The following PRKAR2B variants were observed in gnomAD, a reference collection of about 807,000 sequenced individuals.
PRKAR2B encodes the protein cAMP-dependent protein kinase type II-beta regulatory subunit.
Under a neutral mutation model 49.9 loss-of-function variants are expected in PRKAR2B, and 14 were observed. That is an observed-to-expected ratio of 0.28 (90% CI 0.19 to 0.44). The LOEUF (loss-of-function observed/expected upper bound fraction) is 0.44, where lower values mean the gene tolerates loss of function less well. Ranked by LOEUF, PRKAR2B falls within the 20% of genes least tolerant of loss-of-function variation. The pLI is 1.00. For synonymous variants in PRKAR2B, 196 were observed against 197.7 expected, an observed-to-expected ratio of 0.99 and a Z score of 0.07; for missense variants, 393 against 537.9, an observed-to-expected ratio of 0.73 and a Z score of 2.67.
intron 3 of PRKAR2B, 22 bp from the exon 4 acceptor site, chr7:107,128,190 T>C: frequency 6.5e-7 from 1 of 1,543,164 alleles, no homozygotes; most frequent in Non-Finnish European, 8.9e-7. Context: ...GTCTTTGTTT[T>C]TTAAATCTGA....
chr7:107,073,501 A>G (rs1794326412), intron 2 of PRKAR2B, among the ~76,000 whole-genome samples: 1 of 152,192 alleles, frequency 6.6e-6, no homozygotes, highest in African/African-American at 2.4e-5. Context: ...AAGCATGACT[A>G]ACGAAGAGAA....
In PRKAR2B at chr7:107,146,430, C is replaced by G. The variant is rs1405310138; in HGVS notation, c.710C>G (p.Thr237Ser). 5 of 1,614,168 alleles carry G rather than the reference C, an allele frequency of 3.1e-6. No individual in the cohort carries two copies. Among genetic ancestry groups the G allele is most frequent in the Non-Finnish European group, 4.2e-6 (5 of 1,179,998 alleles). The change falls in exon 6 of 11, where the codon ACT (threonine) becomes AGT (serine). Residue 237 changes from threonine (T) to serine (S), a missense_variant. Physicochemically the swap from Thr to Ser is moderately conservative, Grantham distance 58. This residue lies in a region of PRKAR2B where 233 missense variants were observed against 390.4 expected (regional missense o/e 0.60). Coordinates refer to ENST00000265717, the MANE Select transcript of PRKAR2B (RefSeq NM_002736.3). The stretch of plus-strand genomic sequence containing the variant: ...AATACACCCAGAGCAGCTACAATCA[C>G]TGCTACCTCTCCTGGTGCTCTGTGG... ...MYNTPRAATITATSPGALWGL... is the reference protein window; with the variant it reads ...MYNTPRAATISATSPGALWGL...
At chr7:107,093,913 G>C (rs1353600694) in intron 2 of PRKAR2B, among the ~76,000 whole-genome samples, 1 of 152,114 alleles carries the variant, frequency 6.6e-6, no homozygotes, top group Non-Finnish European at 1.5e-5. Flanking sequence ...GTCTATTACT[G>C]ATGGACATTT....
chr7:107,045,483 C>A (rs1793671234), intron 1 of PRKAR2B, among the ~76,000 whole-genome samples: 1 of 152,196 alleles, frequency 6.6e-6, no homozygotes. Context: ...ACCCTTTGCC[C>A]CCTCTGCCTG....
At chr7:107,073,631 T>A (rs1330447570) in intron 2 of PRKAR2B, among the ~76,000 whole-genome samples, 1 of 152,174 alleles carries the variant, frequency 6.6e-6, no homozygotes, top group African/African-American at 2.4e-5. Flanking sequence ...TCTGATAGCA[T>A]CCTGACAGCA....
Position 107,140,753 on chromosome 7 carries a change from C to G in PRKAR2B, c.481-94C>G, listed in dbSNP as rs3729872. The G allele has an allele frequency of 4.9e-3, 4,083 of 838,702 alleles. 109 individuals are homozygous for G. In the African/African-American group the frequency reaches 0.061, roughly 13 times the overall value. The allele number at this position is 838,702 out of a possible 1,614,324, so 52.0% of individuals were successfully genotyped here. A position where few individuals can be genotyped will look rare whatever the true frequency, so the allele number is the denominator to read the frequency against. ...GTGGTAGTTATGATTATTTCCATTT[C>G]TTTGGACTTGTTCACAGAAATATAA... On this transcript the variant is annotated intron_variant, in intron 4 of 10. Coordinates refer to ENST00000265717, the MANE Select transcript of PRKAR2B (RefSeq NM_002736.3).
At chr7:107,094,893 G>A (rs1794806007) in intron 2 of PRKAR2B, among the ~76,000 whole-genome samples, 1 of 152,192 alleles carries the variant, frequency 6.6e-6, no homozygotes. Flanking sequence ...GTACCATGCT[G>A]TTTTGGTTAC....
chr7:107,125,248 A>C (rs976075515), intron 3 of PRKAR2B, among the ~76,000 whole-genome samples: 1 of 152,186 alleles, frequency 6.6e-6, no homozygotes, highest in Non-Finnish European at 1.5e-5. Flanking sequence ...TGTGGACTGG[A>C]TGACATTGGA....
intron 3 of PRKAR2B, 114 bp from the exon 4 acceptor site, chr7:107,128,098 C>T (rs139235572): frequency 1.4e-4 from 94 of 688,088 alleles, no homozygotes; most frequent in Non-Finnish European, 2.1e-4. Context: ...CAAACTTGAG[C>T]GCTAACAGTT....
chr7:107,063,355 C>T (rs922790436), intron 1 of PRKAR2B, among the ~76,000 whole-genome samples: 8 of 152,122 alleles, frequency 5.3e-5, no homozygotes, highest in Non-Finnish European at 1.0e-4. Context: ...ATTGCTTCAG[C>T]ATTTTTGAAC....
intron 2 of PRKAR2B, among the ~76,000 whole-genome samples, chr7:107,111,533 G>A (rs1562860557): frequency 6.6e-6 from 1 of 152,162 alleles, no homozygotes; most frequent in African/African-American, 2.4e-5. Context: ...AACACAGAGA[G>A]AGTCTCTGTG....
In PRKAR2B at chr7:107,044,816, C is replaced by A. The variant is rs1454108607; in HGVS notation, c.-92C>A. 2 of 1,078,646 alleles carry A rather than the reference C, an allele frequency of 1.9e-6. No homozygotes were observed. The highest frequency in any genetic ancestry group is 2.4e-6 in the Non-Finnish European group (2 of 843,396). The allele number at this position is 1,078,646 out of a possible 1,614,324, so 66.8% of individuals were successfully genotyped here. On this transcript the variant is annotated 5_prime_UTR_variant, in exon 1 of 11. Coordinates refer to ENST00000265717, the MANE Select transcript of PRKAR2B (RefSeq NM_002736.3). ...GCTCGCAGCCGGTAGCGCGCCAGCG[C>A]CGTAGGCGCTCGCTCGGCAGCCGCG...
chr7:107,082,699 TCCTC>T (rs1794535450), intron 2 of PRKAR2B, among the ~76,000 whole-genome samples: 1 of 152,138 alleles, frequency 6.6e-6, no homozygotes. Context: ...GCTCGAGTGA[TCCTC>T]CCTCTGCAGC....
chr7:107,080,629 T>C (rs1190351132), intron 2 of PRKAR2B, among the ~76,000 whole-genome samples: 1 of 152,192 alleles, frequency 6.6e-6, no homozygotes, highest in African/African-American at 2.4e-5. Flanking sequence ...CATAGTTGGA[T>C]TGATAGTTTT....
At chr7:107,093,356 T>G (rs145780624) in intron 2 of PRKAR2B, among the ~76,000 whole-genome samples, 11 of 152,314 alleles carry the variant, frequency 7.2e-5, no homozygotes, top group African/African-American at 2.2e-4. Flanking sequence ...GGGTTCCAGT[T>G]TCTCCAGATC....
At chr7:107,114,009 C>A (rs978203819) in intron 2 of PRKAR2B, among the ~76,000 whole-genome samples, 1 of 152,080 alleles carries the variant, frequency 6.6e-6, no homozygotes, top group Non-Finnish European at 1.5e-5. Context: ...TTTGATAAAC[C>A]GATTGAATGC....
chr7:107,070,967 A>G (rs1369002694), intron 2 of PRKAR2B, among the ~76,000 whole-genome samples: 1 of 152,232 alleles, frequency 6.6e-6, no homozygotes, highest in Admixed American at 6.5e-5. Context: ...ACTTCAATAT[A>G]CTGTGTACTA....
chr7:107,072,619 C>T (rs2116775845), intron 2 of PRKAR2B, among the ~76,000 whole-genome samples: 1 of 152,218 alleles, frequency 6.6e-6, no homozygotes, highest in East Asian at 1.9e-4. Context: ...TAGAAACAGT[C>T]TTAAGACATC....
chr7:107,146,305 C>T lies in PRKAR2B; in HGVS notation c.588-3C>T, dbSNP rs1562870916. The T allele has an allele frequency of 1.2e-6, 2 of 1,613,124 alleles. No individual in the cohort carries two copies. The highest frequency in any genetic ancestry group is 1.1e-5 in the South Asian group (1 of 90,914). ...TAACCTCCAATCTACATATGTCCAA[C>T]AGAGGCACATTTGATATTTATGTGA... On this transcript the variant is annotated splice_polypyrimidine_tract_variant and splice_region_variant and intron_variant, in intron 5 of 10. Coordinates refer to ENST00000265717, the MANE Select transcript of PRKAR2B (RefSeq NM_002736.3).
Sources: allele counts gnomAD v4.1 joint callset (sites outside exome capture counted in the v4.1 genomes callset), GRCh38; gene constraint gnomAD v4.1.1; regional missense constraint gnomAD v4.1.1; transcripts MANE v1.5; gene names NCBI Gene and HGNC (gene_info 2026-07-23, HGNC 2026-07-21).